NR2F1-AS1: variants seen among roughly 807,000 people sequenced by gnomAD.
The protein encoded by NR2F1-AS1 is NR2F1 regulatory antisense RNA 1.
At position 93,560,647 on chromosome 5, in the gene NR2F1-AS1, A is replaced by C. The variant is rs897628812; in HGVS notation, n.413+2717T>G. Among the ~76,000 whole-genome samples the C allele has an allele frequency of 1.8e-4, 27 of 152,242 alleles. 1 individual carries two copies. Among genetic ancestry groups the C allele is most frequent in the Admixed American group, 1.3e-3 (20 of 15,278 alleles). On this transcript the variant is annotated intron_variant and non_coding_transcript_variant, in intron 2 of 5. Coordinates refer to ENST00000660523, the Ensembl canonical transcript of NR2F1-AS1. ...CCAGGAACTAGTGATGTGTTTGTTT[A>C]TCTCTTTTAAATATAAATCTTGTAA...
At chr5:93,496,172 G>T (rs946542155) in intron 4 of NR2F1-AS1, 1 of 152,114 alleles carries the variant, frequency 6.6e-6, no homozygotes, top group African/African-American at 2.4e-5. Flanking sequence ...TCATAGATCA[G>T]ATAGTAATAT....
At chr5:93,543,365 G>A (rs1751998864) in intron 4 of NR2F1-AS1, 1 of 152,138 alleles carries the variant, frequency 6.6e-6, no homozygotes, top group Admixed American at 6.5e-5. Context: ...TGGCATGATT[G>A]AAAATATCTC....
intron 4 of NR2F1-AS1, among the ~76,000 whole-genome samples, chr5:93,489,209 C>T (rs960158657): frequency 2.3e-4 from 35 of 151,402 alleles, no homozygotes; most frequent in Non-Finnish European, 3.1e-4. Context: ...CCTGCATGTT[C>T]TGCACATGTA....
intron 4 of NR2F1-AS1, among the ~76,000 whole-genome samples, chr5:93,447,436 C>T (rs1336530281): frequency 3.9e-5 from 6 of 152,142 alleles, no homozygotes; most frequent in African/African-American, 7.2e-5. Context: ...TTTATGCAGC[C>T]AACAGACACA....
At chr5:93,505,457 C>T (rs1751166420) in intron 4 of NR2F1-AS1, among the ~76,000 whole-genome samples, 1 of 152,224 alleles carries the variant, frequency 6.6e-6, no homozygotes, top group South Asian at 2.1e-4. Flanking sequence ...ACTCCAACCC[C>T]ACATTTCCCT....
At chr5:93,566,535 G>A (rs1190931671) in intron 1 of NR2F1-AS1, among the ~76,000 whole-genome samples, 1 of 151,950 alleles carries the variant, frequency 6.6e-6, no homozygotes, top group African/African-American at 2.4e-5. Context: ...TATGCAAAAC[G>A]CTACCACTGC....
Position 93,517,718 on chromosome 5 carries a change from T to C in NR2F1-AS1, n.638+36043A>G, listed in dbSNP as rs183368029. On this transcript the variant is annotated intron_variant and non_coding_transcript_variant, in intron 4 of 5. Transcript: ENST00000660523. ...TAATCAGGTAACACCATCAGTCATATATGCATGCCATAAAACTTTAATGTA... is the reference window on the plus strand; with the variant it reads ...TAATCAGGTAACACCATCAGTCATACATGCATGCCATAAAACTTTAATGTA... 7.2e-5 allele frequency among the ~76,000 whole-genome samples: 11 copies of C among 152,272 alleles called. No homozygotes were observed. In the East Asian group the frequency reaches 1.9e-3, roughly 27 times the overall value.
chr5:93,441,355 T>C (rs1296699771), intron 4 of NR2F1-AS1, among the ~76,000 whole-genome samples: 4 of 152,202 alleles, frequency 2.6e-5, no homozygotes, highest in Non-Finnish European at 5.9e-5. Context: ...TTTCTTCCAA[T>C]ACCTTACCTA....
chr5:93,409,433 T>A (rs1034090261), intron 4 of NR2F1-AS1: 3 of 152,186 alleles, frequency 2.0e-5, no homozygotes, highest in African/African-American at 7.2e-5. Context: ...GTAGCACCAA[T>A]AAAGGTGCTA....
rs537040676 is a variant in NR2F1-AS1, at chr5:93,522,346, C to T, written n.638+31415G>A. On this transcript the variant is annotated intron_variant and non_coding_transcript_variant, in intron 4 of 5. Transcript: ENST00000660523. The stretch of plus-strand genomic sequence containing the variant: ...TGTAACAAACCTTCACAAGTATCCC[C>T]GAACCTAAAAGTTACTTTAAAAAAA... Among the ~76,000 whole-genome samples, 44 of 152,120 alleles carry T rather than the reference C, an allele frequency of 2.9e-4. No homozygotes were observed. In the South Asian group the frequency reaches 3.5e-3, roughly 12 times the overall value.
intron 4 of NR2F1-AS1, among the ~76,000 whole-genome samples, chr5:93,421,288 A>G (rs1401942606): frequency 1.3e-5 from 2 of 151,436 alleles, no homozygotes; most frequent in Non-Finnish European, 2.9e-5. Context: ...CCACTGATCT[A>G]TTTTCATGCC....
upstream of NR2F1-AS1, among the ~76,000 whole-genome samples, chr5:93,582,516 C>G (rs551137940): frequency 6.6e-6 from 1 of 152,232 alleles, no homozygotes; most frequent in South Asian, 2.1e-4. Flanking sequence ...AGAATCCAGA[C>G]TTGGATTGTG....
chr5:93,558,336 T>C (rs915562537), intron 2 of NR2F1-AS1, among the ~76,000 whole-genome samples: 1 of 150,406 alleles, frequency 6.6e-6, no homozygotes, highest in Non-Finnish European at 1.5e-5. Flanking sequence ...TTTTTTTTTT[T>C]CTGAGATGGA....
intron 4 of NR2F1-AS1, among the ~76,000 whole-genome samples, chr5:93,539,615 G>A (rs1454682663): frequency 6.6e-6 from 1 of 152,104 alleles, no homozygotes; most frequent in Non-Finnish European, 1.5e-5. Context: ...GGGGAAGGAG[G>A]GAATGGAGGA....
intron 4 of NR2F1-AS1, among the ~76,000 whole-genome samples, chr5:93,489,455 C>G (rs1321537211): frequency 6.6e-6 from 1 of 151,758 alleles, no homozygotes; most frequent in Non-Finnish European, 1.5e-5. Flanking sequence ...TGCTATTGCA[C>G]AAAATAGACT....
chr5:93,477,935 T>C (rs761441574), intron 4 of NR2F1-AS1, among the ~76,000 whole-genome samples: 3 of 152,220 alleles, frequency 2.0e-5, no homozygotes, highest in Non-Finnish European at 4.4e-5. Context: ...TGCAGTGCTA[T>C]GTATTACCAT....
intron 4 of NR2F1-AS1, among the ~76,000 whole-genome samples, chr5:93,446,882 C>A (rs1271733826): frequency 1.3e-5 from 2 of 151,736 alleles, no homozygotes; most frequent in South Asian, 4.2e-4. Flanking sequence ...AGAACAGGGC[C>A]CTCAGAAATA....
At chr5:93,580,292 G>GAGGC (rs1394415957) in intron 1 of NR2F1-AS1, among the ~76,000 whole-genome samples, 1 of 152,256 alleles carries the variant, frequency 6.6e-6, no homozygotes, top group Non-Finnish European at 1.5e-5. Context: ...CGGCGAGACA[G>GAGGC]AGGCCGAGCG....
chr5:93,409,995 CAA>C (rs1393493710), intron 4 of NR2F1-AS1: 1 of 152,176 alleles, frequency 6.6e-6, no homozygotes, highest in African/African-American at 2.4e-5. Flanking sequence ...CTCCTCAAGA[CAA>C]AGACATGTCT....
Sources: gnomAD v4.1 joint callset for allele counts (sites outside exome capture counted in the v4.1 genomes callset) on GRCh38, gnomAD v4.1.1 for gene constraint, MANE v1.5 for transcripts, NCBI Gene and HGNC (gene_info 2026-07-23, HGNC 2026-07-21) for gene names.